Variants in PRR12 observed in about 807,000 individuals in gnomAD.
The protein encoded by PRR12 is proline-rich protein 12.
In PRR12, 12 loss-of-function variants were observed where a neutral mutation model predicts 138.0. The observed-to-expected ratio is 0.09, with a 90% CI of 0.06 to 0.14. The LOEUF (loss-of-function observed/expected upper bound fraction) is 0.14. Ranked by LOEUF, PRR12 falls within the 10% of genes least tolerant of loss-of-function variation. The probability of loss-of-function intolerance (pLI) is 1.00; values close to 1 mark genes in which losing one functional copy is unlikely to be tolerated. For missense variants in PRR12, 2,692 were observed against 2,861.3 expected, an observed-to-expected ratio of 0.94 and a Z score of 1.35; for synonymous variants, 1,567 against 1,291.7, an observed-to-expected ratio of 1.21 and a Z score of -4.57.
At chr19:49,620,207 T>C (rs1401419911) in intron 9 of PRR12, 145 bp from the exon 10 acceptor site, 8 of 1,120,844 alleles carry the variant, frequency 7.1e-6, no homozygotes, top group Non-Finnish European at 8.9e-6. Context: ...GCACTGGCGC[T>C]TGCCTGTCAA....
At position 49,597,522 on chromosome 19, in the gene PRR12, A is replaced by G. The variant is rs2122301976; in HGVS notation, c.3187A>G (p.Ile1063Val). Residue 1063 changes from isoleucine (I) to valine (V), a missense_variant, in exon 4 of 14, where the codon ATC (isoleucine) becomes GTC (valine). Around this residue, in one of 11 missense-constraint regions of PRR12, gnomAD observed 840 missense variants for 689.8 expected, o/e 1.22. Coordinates refer to ENST00000418929, the MANE Select transcript of PRR12 (RefSeq NM_020719.3). This position sits in a 1 kb window ranked among gnomAD's most constrained non-coding sequence, Gnocchi z 6.3. ...SEPKGGLTSP[I>V]FCSTKPKKLL... Reference sequence around the variant, plus strand: ...ACCCAAGGGTGGCCTCACCTCGCCCATCTTCTGCTCTACCAAGCCAAAGAA... The same window carrying G: ...ACCCAAGGGTGGCCTCACCTCGCCCGTCTTCTGCTCTACCAAGCCAAAGAA... 1.9e-6 allele frequency: 3 copies of G among 1,561,784 alleles called. No homozygotes were observed. Among genetic ancestry groups the G allele is most frequent in the Non-Finnish European group, 1.7e-6 (2 of 1,155,320 alleles).
chr19:49,607,862 T>C (rs2080846705), intron 6 of PRR12, among the ~76,000 whole-genome samples: 2 of 151,276 alleles, frequency 1.3e-5, no homozygotes, highest in Admixed American at 6.6e-5. Flanking sequence ...CTACTAGAAA[T>C]ATAAAAATTA....
At position 49,614,141 on chromosome 19, in the gene PRR12, G is replaced by C. The variant is rs1441729632; in HGVS notation, c.4774-392G>C. Among the ~76,000 whole-genome samples the C allele has an allele frequency of 1.3e-5, 2 of 152,062 alleles. No individual in the cohort carries two copies. Among genetic ancestry groups the C allele is most frequent in the Non-Finnish European group, 2.9e-5 (2 of 68,006 alleles). On this transcript the variant is annotated intron_variant, in intron 6 of 13. Coordinates refer to ENST00000418929, the MANE Select transcript of PRR12 (RefSeq NM_020719.3). The surrounding 1 kb of genome is among the most constrained non-coding windows in gnomAD (Gnocchi z 5.0). Reference sequence around the variant, plus strand: ...AGAAAAAGTAAAAAGAGAATTATGTGGGGGGACAGTCAGACCACAACAGGA... The same window carrying C: ...AGAAAAAGTAAAAAGAGAATTATGTCGGGGGACAGTCAGACCACAACAGGA...
At position 49,596,593 on chromosome 19, in the gene PRR12, C is replaced by T. The variant is rs2080770898; in HGVS notation, c.2258C>T (p.Ala753Val). The change falls in exon 4 of 14, where the codon GCC becomes GTC. Residue 753 changes from alanine to valine, a missense_variant. Physicochemically the swap from Ala to Val is moderately conservative, Grantham distance 64. Around this residue, in one of 11 missense-constraint regions of PRR12, gnomAD observed 840 missense variants for 689.8 expected, o/e 1.22. Coordinates refer to ENST00000418929, the MANE Select transcript of PRR12 (RefSeq NM_020719.3). This position sits in a 1 kb window ranked among gnomAD's most constrained non-coding sequence, Gnocchi z 5.6. ...ATSVVHYGAG[A>V]KELGAFLQKS... The stretch of plus-strand genomic sequence containing the variant: ...TCTGTTGTCCACTACGGGGCAGGCG[C>T]CAAGGAGCTGGGGGCCTTCTTGCAA... 4 of 1,595,346 alleles carry T rather than the reference C, an allele frequency of 2.5e-6. No individual in the cohort carries two copies. The highest frequency in any genetic ancestry group is 3.4e-6 in the Non-Finnish European group (4 of 1,171,514).
chr19:49,621,715 T>C (rs190249039), intron 11 of PRR12, 93 bp downstream of exon 11: 1 of 1,025,228 alleles, frequency 9.8e-7, no homozygotes, highest in African/African-American at 1.6e-5. Flanking sequence ...GGGTGATCCT[T>C]GGAAGGAGAT....
Position 49,625,450 on chromosome 19 carries a change from G to C in PRR12, c.5965-11G>C, listed in dbSNP as rs545492116. 2.1e-5 allele frequency: 33 copies of C among 1,596,632 alleles called. No individual in the cohort carries two copies. The highest frequency in any genetic ancestry group is 2.6e-5 in the Non-Finnish European group (30 of 1,171,556). On this transcript the variant is annotated splice_polypyrimidine_tract_variant and intron_variant, in intron 13 of 13. Coordinates refer to ENST00000418929, the MANE Select transcript of PRR12 (RefSeq NM_020719.3). This position sits in a 1 kb window ranked among gnomAD's most constrained non-coding sequence, Gnocchi z 5.5. Reference sequence around the variant, plus strand: ...TGCCACCCTCCCCAGTGCCATGTTTGACCCCTGCAGACCCTGGCCATCGAG... The same window carrying C: ...TGCCACCCTCCCCAGTGCCATGTTTCACCCCTGCAGACCCTGGCCATCGAG...
In PRR12 at chr19:49,614,547, G is replaced by C; in HGVS notation, c.4788G>C (p.Thr1596=). The change falls in exon 7 of 14, where the codon ACG becomes ACC. Residue 1596 remains threonine (T), a synonymous_variant. Coordinates refer to ENST00000418929, the MANE Select transcript of PRR12 (RefSeq NM_020719.3). This position sits in a 1 kb window ranked among gnomAD's most constrained non-coding sequence, Gnocchi z 5.0. ...CTCCTCCTCAGCTGGCGTTGCAGAC[G>C]GGGCGTGAACCCCCACCCATCTGGC... ...DIPSLKLALQ[T]GREPPPIWRV... 1 of 1,551,272 alleles carries C rather than the reference G, an allele frequency of 6.4e-7. No individual in the cohort carries two copies. Among genetic ancestry groups the C allele is most frequent in the South Asian group, 1.2e-5 (1 of 83,912 alleles).
chr19:49,608,760 A>C lies in PRR12; in HGVS notation c.4774-5773A>C, dbSNP rs1021311534. On this transcript the variant is annotated intron_variant, in intron 6 of 13. Coordinates refer to ENST00000418929, the MANE Select transcript of PRR12 (RefSeq NM_020719.3). The stretch of plus-strand genomic sequence containing the variant: ...GAGGCTGACGTGGGAGAATCACCTG[A>C]GCCCAGGAAGTTGATGTTGTAGTGA... Among the ~76,000 whole-genome samples the C allele has an allele frequency of 2.0e-5, 3 of 152,024 alleles. No individual in the cohort carries two copies. The South Asian group carries it at 6.2e-4, about 32-fold the overall frequency.
chr19:49,594,630 G>A lies in PRR12; in HGVS notation c.361+15G>A, dbSNP rs750863358. ...CTGGCAAACAGGTAAGCCCAGCGCC[G>A]GCCCTGCAGGGCCAGGGTGGGACTG... is the stretch of plus-strand genomic sequence containing the variant. On this transcript the variant is annotated intron_variant, in intron 3 of 13. Transcript: ENST00000418929. This position sits in a 1 kb window ranked among gnomAD's most constrained non-coding sequence, Gnocchi z 5.6. 2.7e-5 allele frequency: 44 copies of A among 1,610,966 alleles called. No homozygotes were observed. The highest frequency in any genetic ancestry group is 4.4e-5 in the South Asian group (4 of 90,962).
Position 49,596,667 on chromosome 19 carries a change from C to T in PRR12, c.2332C>T (p.Pro778Ser), listed in dbSNP as rs1384841078. The change falls in exon 4 of 14, where the codon CCC becomes TCC. Residue 778 changes from proline to serine, a missense_variant. Transcript: ENST00000418929. This position sits in a 1 kb window ranked among gnomAD's most constrained non-coding sequence, Gnocchi z 5.6. The stretch of plus-strand genomic sequence containing the variant: ...CACGGCCCAGTCTACCCAGCCCACT[C>T]CCCATGGCCTCCTTCTGGAGGCCGG... ...PPTAQSTQPT[P>S]HGLLLEAGGP... is the part of the protein sequence containing the mutation. 6.2e-7 allele frequency: 1 copy of T among 1,605,178 alleles called. No individual in the cohort carries two copies. The highest frequency in any genetic ancestry group is 8.5e-7 in the Non-Finnish European group (1 of 1,178,258).
chr19:49,591,601 CCCCTCCCTCCCTCCCT>C lies in PRR12; in HGVS notation c.-46_-31del, dbSNP rs1206071124. On this transcript the variant is annotated 5_prime_UTR_variant, in exon 1 of 14. Coordinates refer to ENST00000418929, the MANE Select transcript of PRR12 (RefSeq NM_020719.3). The stretch of plus-strand genomic sequence containing the variant: ...GCGGCGGAGGAGAGCGCGCGCGCGC[CCCCTCCCTCCCTCCCT>C]CCCTCCCCCTCCCCCCAATTTCCAC... 4.7e-5 allele frequency: 20 copies of C among 423,584 alleles called. 1 individual carries two copies. Among genetic ancestry groups the C allele is most frequent in the African/African-American group, 7.0e-5 (3 of 42,882 alleles). The allele number at this position is 423,584 out of a possible 1,614,324, so 26.2% of individuals were successfully genotyped here.
At chr19:49,605,664 G>A (rs1336398297) in intron 6 of PRR12, among the ~76,000 whole-genome samples, 2 of 152,246 alleles carry the variant, frequency 1.3e-5, no homozygotes, top group Admixed American at 1.3e-4. Flanking sequence ...CCTGGGGCAG[G>A]GACTTTGACC....
Position 49,615,829 on chromosome 19 carries a change from C to A in PRR12, c.5107C>A (p.Pro1703Thr), listed in dbSNP as rs1478370314. ...PPKAPAPPPK[P>T]ETPEKTTSEK... Reference sequence around the variant, plus strand: ...TAAGGCCCCAGCACCACCTCCCAAGCCTGAGACCCCTGAAAAGACGACATC... The same window carrying A: ...TAAGGCCCCAGCACCACCTCCCAAGACTGAGACCCCTGAAAAGACGACATC... The change falls in exon 9 of 14, where the codon CCT (proline) becomes ACT (threonine). Residue 1703 changes from proline (P) to threonine (T), a missense_variant. Physicochemically the swap from Pro to Thr is conservative, Grantham distance 38. Coordinates refer to ENST00000418929, the MANE Select transcript of PRR12 (RefSeq NM_020719.3). The A allele has an allele frequency of 6.2e-7, 1 of 1,611,748 alleles. No homozygotes were observed. The highest frequency in any genetic ancestry group is 1.3e-5 in the African/African-American group (1 of 74,890).
intron 6 of PRR12, among the ~76,000 whole-genome samples, chr19:49,609,913 T>C (rs554834574): frequency 1.3e-5 from 2 of 152,200 alleles, no homozygotes; most frequent in Non-Finnish European, 2.9e-5. Flanking sequence ...GATAGTACTC[T>C]GTCCACAGCC....
chr19:49,596,258 C>T lies in PRR12; in HGVS notation c.1923C>T (p.Phe641=). The change falls in exon 4 of 14, where the codon TTC becomes TTT. Residue 641 remains phenylalanine (F), a synonymous_variant. Coordinates refer to ENST00000418929, the MANE Select transcript of PRR12 (RefSeq NM_020719.3). This position sits in a 1 kb window ranked among gnomAD's most constrained non-coding sequence, Gnocchi z 5.6. ...PPAERTEDEE[F]LIQHLLQAPS... ...CGGAGCGCACAGAGGATGAGGAGTT[C>T]CTTATCCAGCACCTCTTGCAGGCGC... The T allele has an allele frequency of 6.2e-7, 1 of 1,611,466 alleles. No individual in the cohort carries two copies. The highest frequency in any genetic ancestry group is 8.5e-7 in the Non-Finnish European group (1 of 1,179,610).
Position 49,599,375 on chromosome 19 carries a change from A to G in PRR12, c.3782A>G (p.Glu1261Gly). ...AGCCTGGACTCGAGCCTGACTCGGG[A>G]GAAGATCGAGGCCAAGATTAAGGAG... ...HNSLDSSLTR[E>G]KIEAKIKEVE... The change falls in exon 5 of 14, where the codon GAG (glutamate) becomes GGG (glycine). Residue 1261 changes from glutamate (E) to glycine (G), a missense_variant. Transcript: ENST00000418929. This position sits in a 1 kb window ranked among gnomAD's most constrained non-coding sequence, Gnocchi z 5.0. 6.2e-7 allele frequency: 1 copy of G among 1,612,870 alleles called. No homozygotes were observed. Among genetic ancestry groups the G allele is most frequent in the Non-Finnish European group, 8.5e-7 (1 of 1,179,596 alleles).
chr19:49,602,453 C>T (rs1453164203), intron 6 of PRR12, among the ~76,000 whole-genome samples: 1 of 152,190 alleles, frequency 6.6e-6, no homozygotes, highest in Non-Finnish European at 1.5e-5. Context: ...AATCTCAGCA[C>T]TTTGGGAGTT....
intron 2 of PRR12, 84 bp downstream of exon 2, chr19:49,593,523 T>G: frequency 1.6e-6 from 1 of 619,916 alleles, no homozygotes; most frequent in Non-Finnish European, 2.7e-6. Flanking sequence ...GTTCCGCCCC[T>G]CCTAATTGGC....
intron 1 of PRR12, among the ~76,000 whole-genome samples, chr19:49,592,922 A>G (rs1009371597): frequency 6.9e-6 from 1 of 145,504 alleles, no homozygotes; most frequent in Non-Finnish European, 1.5e-5. Flanking sequence ...GGAGGCGTCC[A>G]TGTGGACCTC....
Sources: gnomAD v4.1 joint callset for allele counts (sites outside exome capture counted in the v4.1 genomes callset) on GRCh38, gnomAD v4.1.1 for gene constraint, gnomAD v4.1.1 regional missense constraint, Gnocchi (gnomAD v3.1) non-coding constraint, MANE v1.5 for transcripts, NCBI Gene and HGNC (gene_info 2026-07-23, HGNC 2026-07-21) for gene names.